ATP2A1: variants seen among roughly 807,000 people sequenced by gnomAD.
ATP2A1 encodes sarcoplasmic/endoplasmic reticulum calcium ATPase 1.
ATP2A1 carries 83 observed loss-of-function variants against 109.5 expected under a neutral mutation model. That is an observed-to-expected ratio of 0.76 (90% CI 0.63 to 0.91). ATP2A1 has a LOEUF of 0.91. Ranked by LOEUF, ATP2A1 falls within the 40% of genes least tolerant of loss-of-function variation. ATP2A1 has a pLI of 0.00. For synonymous variants in ATP2A1, 505 were observed against 537.6 expected, an observed-to-expected ratio of 0.94 and a Z score of 0.84; for missense variants, 1,101 against 1,341.0, an observed-to-expected ratio of 0.82 and a Z score of 2.80.
Position 28,902,043 on chromosome 16 carries a change from A to G in ATP2A1, c.2281A>G (p.Ile761Val), listed in dbSNP as rs570348108. Residue 761 changes from isoleucine (I) to valine (V), a missense_variant, in exon 16 of 23, where the codon ATC becomes GTC. Physicochemically the swap from Ile to Val is conservative, Grantham distance 29 (BLOSUM62 3). Coordinates refer to ENST00000395503, the MANE Select transcript of ATP2A1 (RefSeq NM_004320.6). The surrounding 1 kb of genome is among the most constrained non-coding windows in gnomAD (Gnocchi z 4.8). Reference sequence around the variant, plus strand: ...CATCTACAACAACATGAAGCAGTTCATCCGCTACCTCATTTCCTCCAACGT... The same window carrying G: ...CATCTACAACAACATGAAGCAGTTCGTCCGCTACCTCATTTCCTCCAACGT... ...RAIYNNMKQF[I>V]RYLISSNVGE... 6.2e-7 allele frequency: 1 copy of G among 1,614,226 alleles called. No individual in the cohort carries two copies. The highest frequency in any genetic ancestry group is 2.2e-5 in the East Asian group (1 of 44,882).
rs1420386102 is a variant in ATP2A1, at chr16:28,883,950, TGCCCACTCATACCTTCC to T, written c.464-622_464-606del. Among the ~76,000 whole-genome samples the T allele has an allele frequency of 6.6e-6, 1 of 152,142 alleles. No individual in the cohort carries two copies. Among genetic ancestry groups the T allele is most frequent in the Non-Finnish European group, 1.5e-5 (1 of 68,028 alleles). ...CTGTGCCCCCCGCTGCCTTGAGTCC[TGCCCACTCATACCTTCC>T]GCTCACTCCTCTCCTGCCTTGCCCT... On this transcript the variant is annotated intron_variant, in intron 5 of 22. Transcript: ENST00000395503. This position sits in a 1 kb window ranked among gnomAD's most constrained non-coding sequence, Gnocchi z 5.2.
chr16:28,888,916 C>G lies in ATP2A1; in HGVS notation c.1058C>G (p.Thr353Arg), dbSNP rs1479564867. ...ACCTCTGTCATCTGTTCCGACAAGACAGGCACCCTCACCACCAACCAGATG... is the reference window on the plus strand; with the variant it reads ...ACCTCTGTCATCTGTTCCGACAAGAGAGGCACCCTCACCACCAACCAGATG... ...GCTSVICSDK[T>R]GTLTTNQMSV... Residue 353 changes from threonine (T) to arginine (R), a missense_variant, in exon 9 of 23, where the codon ACA (threonine) becomes AGA (arginine). Transcript: ENST00000395503. 6.2e-7 allele frequency: 1 copy of G among 1,614,088 alleles called. No homozygotes were observed. The highest frequency in any genetic ancestry group is 8.5e-7 in the Non-Finnish European group (1 of 1,180,044).
At chr16:28,884,885 C>G (rs1385480831) in intron 6 of ATP2A1, among the ~76,000 whole-genome samples, 1 of 152,146 alleles carries the variant, frequency 6.6e-6, no homozygotes, top group East Asian at 1.9e-4. Flanking sequence ...GAGGTCAAGG[C>G]AGCAGTGAGC....
At position 28,902,973 on chromosome 16, in the gene ATP2A1, G is replaced by A; in HGVS notation, c.2745-57G>A. Reference sequence around the variant, plus strand: ...GAGGCCACTGCCCACATCCTCCACTGTGCCGCCCACCTCCTTCCTCCTCAC... The same window carrying A: ...GAGGCCACTGCCCACATCCTCCACTATGCCGCCCACCTCCTTCCTCCTCAC... On this transcript the variant is annotated intron_variant, in intron 19 of 22. Coordinates refer to ENST00000395503, the MANE Select transcript of ATP2A1 (RefSeq NM_004320.6). The surrounding 1 kb of genome is among the most constrained non-coding windows in gnomAD (Gnocchi z 4.8). 1.9e-6 allele frequency: 3 copies of A among 1,613,098 alleles called. No homozygotes were observed. The highest frequency in any genetic ancestry group is 3.3e-5 in the Admixed American group (2 of 59,946).
chr16:28,879,287 T>C (rs2152196532), intron 2 of ATP2A1, 171 bp downstream of exon 2: 1 of 966,990 alleles, frequency 1.0e-6, no homozygotes, highest in South Asian at 1.4e-5. Flanking sequence ...TCCCAGGCGC[T>C]TTCTCCTTGA....
Position 28,904,286 on chromosome 16 carries a change from CCCA to C in ATP2A1, c.*146_*148del. On this transcript the variant is annotated 3_prime_UTR_variant, in exon 23 of 23. Transcript: ENST00000395503. ...TGTGGCACAGACCCCCGTCCTGTCC[CCCA>C]CACCCGTGTCATGTGTCTGTTTATA... is the stretch of plus-strand genomic sequence containing the variant. The C allele has an allele frequency of 6.2e-7, 1 of 1,612,132 alleles. No individual in the cohort carries two copies. Among genetic ancestry groups the C allele is most frequent in the African/African-American group, 1.3e-5 (1 of 75,008 alleles).
At position 28,891,379 on chromosome 16, in the gene ATP2A1, G is replaced by T. The variant is rs186294983; in HGVS notation, c.1095+2426G>T. Among the ~76,000 whole-genome samples, 12 of 152,024 alleles carry T rather than the reference G, an allele frequency of 7.9e-5. No individual in the cohort carries two copies. The East Asian group carries it at 2.3e-3, about 29-fold the overall frequency. ...GGAGGCCGAGGTGAGCAGATCACCT[G>T]AGGTCAGGAGTTCGAGACCAGCCTG... On this transcript the variant is annotated intron_variant, in intron 9 of 22. Coordinates refer to ENST00000395503, the MANE Select transcript of ATP2A1 (RefSeq NM_004320.6).
chr16:28,898,531 C>G lies in ATP2A1; in HGVS notation c.1764+80C>G. ...GCCATCCACTCACAGCTCCACCACC[C>G]GGATCATTTCCTACCTCGTCAGTCA... On this transcript the variant is annotated intron_variant, in intron 14 of 22. Transcript: ENST00000395503. This position sits in a 1 kb window ranked among gnomAD's most constrained non-coding sequence, Gnocchi z 4.0. 6.9e-7 allele frequency: 1 copy of G among 1,452,160 alleles called. No individual in the cohort carries two copies. The highest frequency in any genetic ancestry group is 1.4e-5 in the African/African-American group (1 of 70,804). 90.0% of individuals were successfully genotyped at this position (1,452,160 alleles called of 1,614,324 possible). A position where few individuals can be genotyped will look rare whatever the true frequency, so the allele number is the denominator to read the frequency against.
In ATP2A1 at chr16:28,903,963, G is replaced by A. The variant is rs1555517553; in HGVS notation, c.*38-217G>A. Reference sequence around the variant, plus strand: ...GCAGTGCCAGCCTCTGGGCCCGTCTGCTGCGCTGCGTTGCGCTGGCTGTGT... The same window carrying A: ...GCAGTGCCAGCCTCTGGGCCCGTCTACTGCGCTGCGTTGCGCTGGCTGTGT... On this transcript the variant is annotated intron_variant, in intron 22 of 22. Coordinates refer to ENST00000395503, the MANE Select transcript of ATP2A1 (RefSeq NM_004320.6). This position sits in a 1 kb window ranked among gnomAD's most constrained non-coding sequence, Gnocchi z 5.6. 2.8e-6 allele frequency: 2 copies of A among 716,756 alleles called. No homozygotes were observed. The highest frequency in any genetic ancestry group is 4.9e-6 in the Non-Finnish European group (2 of 409,560). The allele number at this position is 716,756 out of a possible 1,614,324, so 44.4% of individuals were successfully genotyped here.
chr16:28,879,944 G>A (rs1963410199), intron 3 of ATP2A1: 1 of 979,642 alleles, frequency 1.0e-6, no homozygotes, highest in Non-Finnish European at 1.2e-6. Flanking sequence ...CATGCGCCGG[G>A]CGGACGGCCG....
rs377018492 is a variant in ATP2A1 at position 28,902,398 on chromosome 16, G to T, written c.2524+12G>T. 3 of 1,613,342 alleles carry T rather than the reference G, an allele frequency of 1.9e-6. No individual in the cohort carries two copies. The African/African-American group carries it at 4.0e-5, about 22-fold the overall frequency. ...CATGGCAATCGGGGGTGAGCTGGAG[G>T]GGTTCCTCGATCCTCCCCACCCCTT... On this transcript the variant is annotated intron_variant, in intron 17 of 22. Transcript: ENST00000395503. The surrounding 1 kb of genome is among the most constrained non-coding windows in gnomAD (Gnocchi z 4.8).
At chr16:28,904,158 T>C (rs762085180) in intron 22 of ATP2A1, 22 bp from the exon 23 acceptor site, 75 of 1,601,364 alleles carry the variant, frequency 4.7e-5, no homozygotes, top group Non-Finnish European at 6.2e-5. Context: ...GCCTGCCTCA[T>C]CCCTTCTCTT....
chr16:28,902,488 G>A lies in ATP2A1; in HGVS notation c.2525-92G>A. 2 of 1,568,352 alleles carry A rather than the reference G, an allele frequency of 1.3e-6. No homozygotes were observed. The highest frequency in any genetic ancestry group is 2.3e-5 in the South Asian group (2 of 87,230). ...AGGTGCTGAGAGGGTCTTCTTCCTT[G>A]GCCAGCCTGTCCATGGCCACATGAG... On this transcript the variant is annotated intron_variant, in intron 17 of 22. Coordinates refer to ENST00000395503, the MANE Select transcript of ATP2A1 (RefSeq NM_004320.6). This position sits in a 1 kb window ranked among gnomAD's most constrained non-coding sequence, Gnocchi z 4.8.
At position 28,902,697 on chromosome 16, in the gene ATP2A1, A is replaced by T; in HGVS notation, c.2610+32A>T. On this transcript the variant is annotated intron_variant, in intron 18 of 22. Coordinates refer to ENST00000395503, the MANE Select transcript of ATP2A1 (RefSeq NM_004320.6). The surrounding 1 kb of genome is among the most constrained non-coding windows in gnomAD (Gnocchi z 4.8). ...GGAGGCCACAAAGGAGGGGACCAGG[A>T]GGGTGTGGGGATGCAGGAGGGTACC... The T allele has an allele frequency of 6.2e-7, 1 of 1,613,874 alleles. No individual in the cohort carries two copies. The highest frequency in any genetic ancestry group is 1.7e-5 in the Admixed American group (1 of 59,990).
At chr16:28,901,775 A>C (rs2152214191) in intron 15 of ATP2A1, 88 bp from the exon 16 acceptor site, 3 of 1,183,454 alleles carry the variant, frequency 2.5e-6, no homozygotes, top group Non-Finnish European at 3.6e-6. Flanking sequence ...TGGGCAACAG[A>C]GTGAGACCTC....
chr16:28,891,743 G>A (rs1212024809), intron 9 of ATP2A1, among the ~76,000 whole-genome samples: 1 of 151,800 alleles, frequency 6.6e-6, no homozygotes, highest in Non-Finnish European at 1.5e-5. Context: ...GCCAGGCGTT[G>A]TGGTGGGCAC....
chr16:28,904,136 T>C (rs746282698), intron 22 of ATP2A1, 44 bp from the exon 23 acceptor site: 1 of 1,550,332 alleles, frequency 6.5e-7, no homozygotes, highest in South Asian at 1.1e-5. Flanking sequence ...GGGACCTCGC[T>C]GCCCTCCTGC....
At position 28,903,401 on chromosome 16, in the gene ATP2A1, G is replaced by A. The variant is rs763414497; in HGVS notation, c.2941G>A (p.Asp981Asn). 1.1e-5 allele frequency: 17 copies of A among 1,613,850 alleles called. No homozygotes were observed. The highest frequency in any genetic ancestry group is 5.3e-5 in the African/African-American group (4 of 74,874). The change falls in exon 21 of 23, where the codon GAC (aspartate) becomes AAC (asparagine). Residue 981 changes from aspartate to asparagine, a missense_variant. Physicochemically the swap from Asp to Asn is conservative, Grantham distance 23. Coordinates refer to ENST00000395503, the MANE Select transcript of ATP2A1 (RefSeq NM_004320.6). The surrounding 1 kb of genome is among the most constrained non-coding windows in gnomAD (Gnocchi z 5.6). ...GATCTCACTGCCAGTCATTGGGCTC[G>A]ACGAAATCCTCAAGTTCGTTGCTCG... ...LKISLPVIGL[D>N]EILKFVARNY...
At chr16:28,888,025 T>C (rs1963665330) in intron 8 of ATP2A1, among the ~76,000 whole-genome samples, 2 of 151,956 alleles carry the variant, frequency 1.3e-5, no homozygotes, top group Admixed American at 1.3e-4. Context: ...ATGGTCTCGA[T>C]CTCCTGACCT....
Sources: allele counts gnomAD v4.1 joint callset (sites outside exome capture counted in the v4.1 genomes callset), GRCh38; gene constraint gnomAD v4.1.1; non-coding constraint Gnocchi (gnomAD v3.1); transcripts MANE v1.5; gene names NCBI Gene and HGNC (gene_info 2026-07-23, HGNC 2026-07-21).